SOX5: variants seen among roughly 807,000 people sequenced by gnomAD.
SOX5 encodes the protein transcription factor SOX-5.
A neutral mutation model predicts 92.0 loss-of-function variants in SOX5; 9 were observed. The observed-to-expected ratio is 0.10, with a 90% CI of 0.06 to 0.17. The LOEUF is 0.17. SOX5 is among the 10% of genes least tolerant of loss of function. The probability of loss-of-function intolerance (pLI) is 1.00; values close to 1 mark genes in which losing one functional copy is unlikely to be tolerated. For synonymous variants in SOX5, 344 were observed against 336.3 expected, an observed-to-expected ratio of 1.02 and a Z score of -0.25; for missense variants, 642 against 944.5, an observed-to-expected ratio of 0.68 and a Z score of 4.20.
chr12:24,357,840 C>CAAAAA (rs566913275), intron 2 of SOX5, among the ~76,000 whole-genome samples: 1 of 105,284 alleles, frequency 9.5e-6, no homozygotes, highest in Non-Finnish European at 1.9e-5. Flanking sequence ...GACTCCATCT[C>CAAAAA]AAAAAAAAAA....
intron 9 of SOX5, among the ~76,000 whole-genome samples, chr12:23,588,984 C>A (rs942456678): frequency 6.6e-6 from 1 of 151,806 alleles, no homozygotes; most frequent in Admixed American, 6.6e-5. Flanking sequence ...TATCATGTAA[C>A]CTAAGTGTGT....
rs114404866 is a variant in SOX5, at chr12:24,248,993, T to A, written c.-77+28223A>T. Among the ~76,000 whole-genome samples, 297 of 152,324 alleles carry A rather than the reference T, an allele frequency of 1.9e-3. 1 individual carries two copies. The highest frequency in any genetic ancestry group is 6.9e-3 in the African/African-American group (288 of 41,568). ...AGTCAAGTCACTGATTAAAAGCACGTCCTTTAGTAGAAAAAGTGCTAAAGA... is the reference window on the plus strand; with the variant it reads ...AGTCAAGTCACTGATTAAAAGCACGACCTTTAGTAGAAAAAGTGCTAAAGA... On this transcript the variant is annotated intron_variant, in intron 3 of 4. Transcript: ENST00000446891.
chr12:24,169,104 C>T (rs371578495), intron 4 of SOX5, among the ~76,000 whole-genome samples: 15 of 152,120 alleles, frequency 9.9e-5, no homozygotes, highest in South Asian at 4.2e-4. Context: ...TAGTGAATAG[C>T]GACAACCACA....
At chr12:24,321,051 G>C (rs1280217780) in intron 2 of SOX5, among the ~76,000 whole-genome samples, 1 of 152,106 alleles carries the variant, frequency 6.6e-6, no homozygotes, top group Non-Finnish European at 1.5e-5. Context: ...GTTGTGCTAA[G>C]GCATCCACAT....
intron 1 of SOX5, among the ~76,000 whole-genome samples, chr12:24,526,142 T>C (rs771324247): frequency 7.9e-5 from 12 of 152,144 alleles, no homozygotes; most frequent in Non-Finnish European, 1.8e-4. Flanking sequence ...ACACTGCACC[T>C]GGCTGGGAAG....
intron 1 of SOX5, among the ~76,000 whole-genome samples, chr12:23,913,495 T>C (rs1051399211): frequency 1.1e-4 from 16 of 152,058 alleles, no homozygotes; most frequent in Non-Finnish European, 1.9e-4. Flanking sequence ...CCCAGTACTT[T>C]GGGAGGCCGA....
intron 6 of SOX5, among the ~76,000 whole-genome samples, chr12:23,678,724 C>T (rs1387449919): frequency 1.4e-5 from 2 of 140,228 alleles, no homozygotes; most frequent in Admixed American, 7.6e-5. Flanking sequence ...TTTCATCACC[C>T]CTATTTTACA....
intron 4 of SOX5, among the ~76,000 whole-genome samples, chr12:23,993,969 C>G (rs912502068): frequency 2.0e-5 from 3 of 151,754 alleles, no homozygotes; most frequent in Non-Finnish European, 4.4e-5. Context: ...AAATAAATAG[C>G]TGGGTGTGGT....
At position 24,251,255 on chromosome 12, in the gene SOX5, CTT is replaced by C. The variant is rs149025588; in HGVS notation, c.-77+25959_-77+25960del. 3.5e-3 allele frequency among the ~76,000 whole-genome samples: 533 copies of C among 152,270 alleles called. 2 individuals carry two copies. Among genetic ancestry groups the C allele is most frequent in the African/African-American group, 0.012 (507 of 41,574 alleles). Reference sequence around the variant, plus strand: ...CATTCTTATCCTAATCATTTATAGACTTGATCCAATTTTAGGGTTTGTCTAAT... The same window carrying C: ...CATTCTTATCCTAATCATTTATAGACGATCCAATTTTAGGGTTTGTCTAAT... On this transcript the variant is annotated intron_variant, in intron 3 of 4. Transcript: ENST00000446891.
rs139625180 is a variant in SOX5, at chr12:24,018,121, G to GC, written c.-1-122098dup. On this transcript the variant is annotated intron_variant, in intron 4 of 4. Coordinates refer to the SOX5 transcript ENST00000446891. Reference sequence around the variant, plus strand: ...TTCACACCTCCATCTTCCTTTATCTGCCCCTACATCACCGGCTTTCCCAGA... The same window carrying GC: ...TTCACACCTCCATCTTCCTTTATCTGCCCCCTACATCACCGGCTTTCCCAGA... 2.0e-3 allele frequency among the ~76,000 whole-genome samples: 302 copies of GC among 151,940 alleles called. 11 individuals are homozygous for GC. The East Asian group carries it at 0.053, about 27-fold the overall frequency.
chr12:24,367,803 C>T (rs1446775251), intron 2 of SOX5: 1 of 152,086 alleles, frequency 6.6e-6, no homozygotes, highest in Admixed American at 6.5e-5. Context: ...AGTTGTGTAG[C>T]ATTTTCTTGA....
chr12:24,428,046 A>AT (rs568321079), intron 1 of SOX5, among the ~76,000 whole-genome samples: 224 of 149,642 alleles, frequency 1.5e-3, no homozygotes, highest in African/African-American at 4.6e-3. Context: ...TGCATTCCAG[A>AT]TTTTTTTTGA....
intron 4 of SOX5, among the ~76,000 whole-genome samples, chr12:24,132,300 T>C (rs1003707422): frequency 1.3e-5 from 2 of 152,142 alleles, no homozygotes; most frequent in African/African-American, 2.4e-5. Flanking sequence ...AAGTAAATCA[T>C]TCGAACACCC....
At chr12:23,669,161 A>C (rs2084348535) in intron 6 of SOX5, among the ~76,000 whole-genome samples, 1 of 152,140 alleles carries the variant, frequency 6.6e-6, no homozygotes, top group South Asian at 2.1e-4. Context: ...TGGTGGGGCA[A>C]ACAGACAGAT....
intron 1 of SOX5, among the ~76,000 whole-genome samples, chr12:24,444,055 A>G (rs1185829258): frequency 6.6e-6 from 1 of 152,076 alleles, no homozygotes; most frequent in African/African-American, 2.4e-5. Flanking sequence ...GTAGTTCTGG[A>G]TTGGGGGTTG....
chr12:23,951,544 CTT>C (rs1945636214), upstream of SOX5, among the ~76,000 whole-genome samples: 2 of 151,980 alleles, frequency 1.3e-5, no homozygotes, highest in South Asian at 4.1e-4. Context: ...CAATTATGAA[CTT>C]ATATTAGTAA....
chr12:23,854,809 C>T (rs376357021), intron 2 of SOX5, among the ~76,000 whole-genome samples: 2 of 152,022 alleles, frequency 1.3e-5, no homozygotes, highest in African/African-American at 2.4e-5. Context: ...TCAATTTTCT[C>T]ATCTGCAAAA....
intron 4 of SOX5, among the ~76,000 whole-genome samples, chr12:24,155,787 T>C (rs903574941): frequency 6.6e-6 from 1 of 152,080 alleles, no homozygotes; most frequent in Non-Finnish European, 1.5e-5. Context: ...AGAAAGTACA[T>C]GGTTAAGCAT....
chr12:24,307,453 G>T (rs1294045183), intron 2 of SOX5, among the ~76,000 whole-genome samples: 1 of 4,610 alleles, frequency 2.2e-4, no homozygotes, highest in African/African-American at 4.4e-4. Context: ...TAGCTGGAAA[G>T]GAAGGAAGGA....
Sources: gnomAD v4.1 joint callset for allele counts (sites outside exome capture counted in the v4.1 genomes callset) on GRCh38, gnomAD v4.1.1 for gene constraint, MANE v1.5 for transcripts, NCBI Gene and HGNC (gene_info 2026-07-23, HGNC 2026-07-21) for gene names.